The following FBXO47 variants were observed in gnomAD, a reference collection of about 807,000 sequenced individuals.
FBXO47 encodes F-box only protein 47.
In FBXO47, 34 loss-of-function variants were observed where a neutral mutation model predicts 53.9. The observed-to-expected ratio is 0.63, with a 90% CI of 0.48 to 0.84. FBXO47 has a LOEUF of 0.84. Among genes scored for constraint, FBXO47 ranks in the 40% least tolerant of loss-of-function variants. The probability of loss-of-function intolerance (pLI) is 0.00; values close to 1 mark genes in which losing one functional copy is unlikely to be tolerated. For missense variants in FBXO47, 485 were observed against 541.3 expected, an observed-to-expected ratio of 0.90 and a Z score of 1.03; for synonymous variants, 165 against 181.6, an observed-to-expected ratio of 0.91 and a Z score of 0.73.
intron 6 of FBXO47, among the ~76,000 whole-genome samples, chr17:38,946,241 T>C (rs1212451510): frequency 1.9e-5 from 2 of 107,134 alleles, no homozygotes; most frequent in Non-Finnish European, 1.7e-5. Flanking sequence ...TATACAAATA[T>C]ATATAAATAT....
chr17:38,943,861 T>A (rs1158579635), intron 7 of FBXO47, 125 bp from the exon 8 acceptor site: 2 of 888,294 alleles, frequency 2.3e-6, no homozygotes. Context: ...CATTTTAACT[T>A]TTGAAACAAG....
intron 5 of FBXO47, among the ~76,000 whole-genome samples, chr17:38,954,242 G>T (rs1386608367): frequency 6.6e-6 from 1 of 151,932 alleles, no homozygotes; most frequent in Non-Finnish European, 1.5e-5. Flanking sequence ...AGGTTGCAGT[G>T]AGCCGAGATC....
intron 6 of FBXO47, among the ~76,000 whole-genome samples, chr17:38,948,315 C>T (rs577005089): frequency 2.0e-5 from 3 of 148,646 alleles, no homozygotes; most frequent in South Asian, 2.1e-4. Context: ...CGAGTTCAAG[C>T]GATGCTCCTG....
At chr17:38,937,700 C>T (rs1258430574) in intron 10 of FBXO47, among the ~76,000 whole-genome samples, 2 of 151,982 alleles carry the variant, frequency 1.3e-5, no homozygotes, top group Admixed American at 6.6e-5. Flanking sequence ...CAGCGTCTCC[C>T]TGTGTCGCCC....
chr17:38,965,202 C>T (rs1369125320), intron 1 of FBXO47, among the ~76,000 whole-genome samples: 1 of 152,160 alleles, frequency 6.6e-6, no homozygotes, highest in African/African-American at 2.4e-5. Flanking sequence ...CTTTGTGTCA[C>T]TCTATTGTTC....
chr17:38,958,409 T>A (rs560781666), intron 3 of FBXO47, among the ~76,000 whole-genome samples: 2 of 151,692 alleles, frequency 1.3e-5, no homozygotes, highest in African/African-American at 4.8e-5. Context: ...CCTTCTAAGA[T>A]ATCCTTTTAT....
In FBXO47 at chr17:38,954,126, C is replaced by T. The variant is rs143540642; in HGVS notation, c.507+730G>A. Among the ~76,000 whole-genome samples, 703 of 152,144 alleles carry T rather than the reference C, an allele frequency of 4.6e-3. 33 individuals carry two copies. In the East Asian group the frequency reaches 0.096, roughly 21 times the overall value. Reference sequence around the variant, plus strand: ...TGACCAACATGGTGAAACCCTGTCTCTACTAAAAATACAAACAAATAATTA... The same window carrying T: ...TGACCAACATGGTGAAACCCTGTCTTTACTAAAAATACAAACAAATAATTA... On this transcript the variant is annotated intron_variant, in intron 5 of 10. Transcript: ENST00000378079.
Position 38,936,801 on chromosome 17 carries a change from A to C in FBXO47, c.*374T>G, listed in dbSNP as rs1915591176. ...TATACAACTTAAACAAAGTGAACAT[A>C]CACACTATTTAGTGAATTTGGGTCT... On this transcript the variant is annotated 3_prime_UTR_variant, in exon 11 of 11. Transcript: ENST00000378079. The C allele has an allele frequency of 6.2e-6, 1 of 161,264 alleles. No homozygotes were observed. Among genetic ancestry groups the C allele is most frequent in the Non-Finnish European group, 1.3e-5 (1 of 74,454 alleles). The allele number at this position is 161,264 out of a possible 1,614,324, so 10.0% of individuals were successfully genotyped here.
intron 3 of FBXO47, among the ~76,000 whole-genome samples, chr17:38,957,607 A>G (rs1010481490): frequency 2.0e-5 from 3 of 152,164 alleles, no homozygotes; most frequent in Non-Finnish European, 2.9e-5. Context: ...ACAGATTTCA[A>G]TATCTCTTGA....
intron 6 of FBXO47, among the ~76,000 whole-genome samples, chr17:38,950,913 T>A (rs1905245188): frequency 6.6e-6 from 1 of 152,138 alleles, no homozygotes; most frequent in South Asian, 2.1e-4. Context: ...ATTTTATTTT[T>A]ATTTCTTTTG....
intron 1 of FBXO47, among the ~76,000 whole-genome samples, chr17:38,965,423 A>G (rs961322750): frequency 1.3e-5 from 2 of 152,318 alleles, no homozygotes; most frequent in Admixed American, 1.3e-4. Context: ...ATCAACTTAC[A>G]TCAATTTAAA....
chr17:38,955,001 G>A, intron 4 of FBXO47, 68 bp from the exon 5 acceptor site: 1 of 1,174,886 alleles, frequency 8.5e-7, no homozygotes, highest in Non-Finnish European at 1.2e-6. Flanking sequence ...TGGAACAATG[G>A]TTTGACATTC....
chr17:38,952,551 T>G (rs961247741), intron 5 of FBXO47, among the ~76,000 whole-genome samples: 2 of 152,094 alleles, frequency 1.3e-5, no homozygotes, highest in Admixed American at 6.6e-5. Context: ...AATCTCACTA[T>G]GTTGCCCAGG....
chr17:38,951,604 T>A lies in FBXO47; in HGVS notation c.593A>T (p.Gln198Leu). The A allele has an allele frequency of 6.2e-7, 1 of 1,613,822 alleles. No homozygotes were observed. The highest frequency in any genetic ancestry group is 8.5e-7 in the Non-Finnish European group (1 of 1,179,804). The change falls in exon 6 of 11, where the codon CAA (glutamine) becomes CTA (leucine). Residue 198 changes from glutamine to leucine, a missense_variant. Coordinates refer to ENST00000378079, the MANE Select transcript of FBXO47 (RefSeq NM_001008777.3). ...ACCTGGTTTGCTGCAGACAGCCATT[T>A]GTATCTTGCGGCAGAGATTAGTCAG... ...CELTNLCRKI[Q>L]MAVCSKPGSA... is the part of the protein sequence containing the mutation.
chr17:38,957,080 AAATTCTACT>A, intron 4 of FBXO47, 88 bp downstream of exon 4: 1 of 740,704 alleles, frequency 1.4e-6, no homozygotes, highest in East Asian at 2.6e-5. Context: ...CTAATTCATG[AAATTCTACT>A]AATATAGAGT....
At chr17:38,955,255 G>A (rs187865169) in intron 4 of FBXO47, among the ~76,000 whole-genome samples, 339 of 151,798 alleles carry the variant, frequency 2.2e-3, no homozygotes, top group African/African-American at 7.9e-3. Flanking sequence ...GGGTGTGGTG[G>A]TGGGCACCTG....
At chr17:38,955,073 A>T (rs1365875415) in intron 4 of FBXO47, 140 bp from the exon 5 acceptor site, 1 of 610,678 alleles carries the variant, frequency 1.6e-6, no homozygotes, top group African/African-American at 1.9e-5. Flanking sequence ...TTGGTTACAT[A>T]GGTGGGGATT....
At chr17:38,966,938 C>A (rs918494045) in intron 1 of FBXO47, among the ~76,000 whole-genome samples, 6 of 152,050 alleles carry the variant, frequency 3.9e-5, no homozygotes, top group African/African-American at 1.4e-4. Flanking sequence ...TTTGACCGCG[C>A]GTGAAAGGTT....
intron 8 of FBXO47, among the ~76,000 whole-genome samples, chr17:38,943,361 A>AAAT (rs923024051): frequency 4.6e-5 from 7 of 152,202 alleles, no homozygotes; most frequent in South Asian, 2.1e-4. Flanking sequence ...AGAAGCTTTC[A>AAAT]AATAATAATA....
Sources: gnomAD v4.1 joint callset for allele counts (sites outside exome capture counted in the v4.1 genomes callset) on GRCh38, gnomAD v4.1.1 for gene constraint, MANE v1.5 for transcripts, NCBI Gene and HGNC (gene_info 2026-07-23, HGNC 2026-07-21) for gene names.